Variants in CBLN2 observed in about 807,000 individuals in gnomAD.
CBLN2 encodes cerebellin 2 precursor.
A neutral mutation model predicts 15.0 loss-of-function variants in CBLN2; 7 were observed. The ratio of observed to expected loss-of-function variants is 0.47; its 90% CI spans 0.27 to 0.88. The LOEUF (loss-of-function observed/expected upper bound fraction) is 0.88. Ranked by LOEUF, CBLN2 falls within the 40% of genes least tolerant of loss-of-function variation. CBLN2 has a pLI of 0.14. For missense variants in CBLN2, 242 were observed against 304.5 expected, an observed-to-expected ratio of 0.79 and a Z score of 1.53; for synonymous variants, 149 against 135.2, an observed-to-expected ratio of 1.10 and a Z score of -0.71.
chr18:72,624,200 C>T (rs1015919399), intron 1 of CBLN2, among the ~76,000 whole-genome samples: 30 of 144,930 alleles, frequency 2.1e-4, no homozygotes, highest in African/African-American at 2.5e-5. Flanking sequence ...CCAACCCCTT[C>T]TTTTTTTTTT....
At chr18:72,616,189 G>A (rs1191552517) in intron 1 of CBLN2, among the ~76,000 whole-genome samples, 3 of 152,036 alleles carry the variant, frequency 2.0e-5, no homozygotes, top group Non-Finnish European at 2.9e-5. Flanking sequence ...TCTAATATAT[G>A]ACCACCCTGC....
chr18:72,554,863 C>T (rs762446285), intron 1 of CBLN2, among the ~76,000 whole-genome samples: 8 of 152,094 alleles, frequency 5.3e-5, no homozygotes, highest in African/African-American at 9.7e-5. Context: ...TGGCCTGGTG[C>T]GGTGGCTTAT....
At position 72,593,952 on chromosome 18, in the gene CBLN2, C is replaced by G. The variant is rs533375220; in HGVS notation, c.15+44373G>C. On this transcript the variant is annotated intron_variant, in intron 1 of 2. Coordinates refer to the CBLN2 transcript ENST00000581073. ...TATACACCATGGAATATTATGCAGC[C>G]ATAAAAAAGGATGAATTCATGTCCT... Among the ~76,000 whole-genome samples, 3 of 152,184 alleles carry G rather than the reference C, an allele frequency of 2.0e-5. No individual in the cohort carries two copies. In the East Asian group the frequency reaches 5.8e-4, roughly 29 times the overall value.
intron 3 of CBLN2, 45 bp downstream of exon 3, chr18:72,541,759 C>T (rs777422546): frequency 4.7e-6 from 7 of 1,477,880 alleles, no homozygotes; most frequent in Non-Finnish European, 6.3e-6. Flanking sequence ...AGGTCCCCGC[C>T]CCTCTCCCCG....
intron 1 of CBLN2, among the ~76,000 whole-genome samples, chr18:72,633,694 C>T (rs2069792240): frequency 6.6e-6 from 1 of 152,116 alleles, no homozygotes; most frequent in Non-Finnish European, 1.5e-5. Context: ...TTTGTTGATT[C>T]AGCTTTCACA....
chr18:72,623,543 A>G (rs907520583), intron 1 of CBLN2, among the ~76,000 whole-genome samples: 1 of 152,148 alleles, frequency 6.6e-6, no homozygotes, highest in African/African-American at 2.4e-5. Context: ...GTGGCCTGGA[A>G]GCTGTCTCTG....
intron 1 of CBLN2, among the ~76,000 whole-genome samples, chr18:72,608,631 T>C (rs909297470): frequency 6.7e-6 from 1 of 150,154 alleles, no homozygotes; most frequent in African/African-American, 2.5e-5. Context: ...AACCCCATCT[T>C]CTCATGTTCA....
At chr18:72,578,873 A>G (rs2144915796) in intron 1 of CBLN2, among the ~76,000 whole-genome samples, 2 of 152,294 alleles carry the variant, frequency 1.3e-5, no homozygotes, top group South Asian at 4.1e-4. Context: ...GATGGAAATA[A>G]CTTTCCTTTT....
chr18:72,588,646 G>C (rs1469976466), intron 1 of CBLN2, among the ~76,000 whole-genome samples: 2 of 152,178 alleles, frequency 1.3e-5, no homozygotes, highest in African/African-American at 4.8e-5. Context: ...CAGGACAGAG[G>C]AGAAAACAGA....
At chr18:72,539,525 G>A (rs1297967713) in intron 3 of CBLN2, 1 of 152,244 alleles carries the variant, frequency 6.6e-6, no homozygotes. Flanking sequence ...TGAATAAATA[G>A]AGAACCGGCA....
chr18:72,615,755 C>T (rs763218450), intron 1 of CBLN2, among the ~76,000 whole-genome samples: 1 of 152,054 alleles, frequency 6.6e-6, no homozygotes, highest in Non-Finnish European at 1.5e-5. Flanking sequence ...TTCATGACGT[C>T]AAGAGAATTT....
intron 1 of CBLN2, among the ~76,000 whole-genome samples, chr18:72,636,551 T>C (rs895784871): frequency 6.6e-6 from 1 of 152,156 alleles, no homozygotes; most frequent in Non-Finnish European, 1.5e-5. Flanking sequence ...CCACGATATG[T>C]GGATATGCAC....
chr18:72,575,419 T>C (rs2069359291), intron 1 of CBLN2, among the ~76,000 whole-genome samples: 1 of 152,016 alleles, frequency 6.6e-6, no homozygotes, highest in Non-Finnish European at 1.5e-5. Flanking sequence ...GGAGAACCGC[T>C]AGGGGATATG....
chr18:72,538,437 C>G, intron 4 of CBLN2, 64 bp from the exon 5 acceptor site: 1 of 1,569,118 alleles, frequency 6.4e-7, no homozygotes, highest in South Asian at 1.1e-5. Context: ...ACTGTTCTCT[C>G]CTTTGCCAAT....
intron 1 of CBLN2, among the ~76,000 whole-genome samples, chr18:72,561,003 C>T (rs570488214): frequency 6.9e-4 from 104 of 150,798 alleles, no homozygotes; most frequent in African/African-American, 2.3e-3. Context: ...AGCGAGACTC[C>T]GTCTCAAAAA....
In CBLN2 at chr18:72,542,024, C is replaced by T. The variant is rs1278159786; in HGVS notation, c.137G>A (p.Cys46Tyr). The change falls in exon 3 of 5, where the codon TGC becomes TAC. Residue 46 changes from cysteine to tyrosine, a missense_variant. Cys to Tyr is a radical substitution (Grantham distance 194). Transcript: ENST00000269503. ...LALLLLLLPACCPVRAQNDTE... is the reference protein window; with the variant it reads ...LALLLLLLPAYCPVRAQNDTE... The stretch of plus-strand genomic sequence containing the variant: ...GTCGTTCTGCGCCCGCACGGGGCAG[C>T]AGGCGGGCAGTAGCAGCAACAGCAG... 4 of 1,594,948 alleles carry T rather than the reference C, an allele frequency of 2.5e-6. No homozygotes were observed. In the African/African-American group the frequency reaches 4.1e-5, roughly 16 times the overall value.
At position 72,542,207 on chromosome 18, in the gene CBLN2, G is replaced by A; in HGVS notation, c.-47C>T. 8.6e-7 allele frequency: 1 copy of A among 1,156,228 alleles called. No individual in the cohort carries two copies. The highest frequency in any genetic ancestry group is 1.1e-6 in the Non-Finnish European group (1 of 936,486). The allele number at this position is 1,156,228 out of a possible 1,614,324, so 71.6% of individuals were successfully genotyped here. ...CGCGGGGGTGGAGGCCGGCGCCGGC[G>A]CGAGCGGCGCGGAAGGGCGCGAAGG... On this transcript the variant is annotated 5_prime_UTR_variant, in exon 3 of 5. Coordinates refer to ENST00000269503, the MANE Select transcript of CBLN2 (RefSeq NM_182511.4).
intron 1 of CBLN2, among the ~76,000 whole-genome samples, chr18:72,622,597 C>T (rs1009017274): frequency 1.3e-5 from 2 of 152,082 alleles, no homozygotes; most frequent in African/African-American, 4.8e-5. Flanking sequence ...ATCTGAGATC[C>T]CTTATAAAAA....
intron 1 of CBLN2, among the ~76,000 whole-genome samples, chr18:72,592,997 T>G (rs1420389987): frequency 3.3e-5 from 5 of 152,134 alleles, no homozygotes; most frequent in Admixed American, 6.6e-5. Flanking sequence ...CATATAAATT[T>G]TTAGGATTTT....
Sources: gnomAD v4.1 joint callset for allele counts (sites outside exome capture counted in the v4.1 genomes callset) on GRCh38, gnomAD v4.1.1 for gene constraint, MANE v1.5 for transcripts, NCBI Gene and HGNC (gene_info 2026-07-23, HGNC 2026-07-21) for gene names.